Variants in TRAPPC14 observed in about 807,000 individuals in gnomAD.
TRAPPC14 encodes trafficking protein particle complex subunit 14, also known as microtubule associated protein 11.
A neutral mutation model predicts 56.6 loss-of-function variants in TRAPPC14; 24 were observed. The observed-to-expected ratio is 0.42, with a 90% CI of 0.31 to 0.60. The LOEUF (loss-of-function observed/expected upper bound fraction) is 0.60, where lower values mean the gene tolerates loss of function less well. TRAPPC14 is among the 20% of genes least tolerant of loss of function. The pLI, the probability that TRAPPC14 is intolerant of heterozygous loss-of-function variation, is 0.14. For synonymous variants in TRAPPC14, 377 were observed against 347.0 expected (o/e 1.09, Z -0.96); for missense variants, 615 against 790.3 (o/e 0.78, Z 2.66).
rs1175438008 is a variant in TRAPPC14 at position 100,158,210 on chromosome 7, GCGC to G, written c.287_289del (p.Gly96del). On this transcript the variant is annotated inframe_deletion, in exon 1 of 11. Coordinates refer to ENST00000316937, the MANE Select transcript of TRAPPC14 (RefSeq NM_018275.5). Reference sequence around the variant, plus strand: ...TGGGGGCTCCGAATCCTGGTCGCCGGCGCCGCCGCCCCCCGGCATCCCGCCTCC... The same window carrying G: ...TGGGGGCTCCGAATCCTGGTCGCCGGCGCCGCCCCCCGGCATCCCGCCTCC... 18 of 1,461,282 alleles carry G rather than the reference GCGC, an allele frequency of 1.2e-5. 1 individual carries two copies. In the South Asian group the frequency reaches 2.1e-4, roughly 17 times the overall value. The allele number at this position is 1,461,282 out of a possible 1,614,324, so 90.5% of individuals were successfully genotyped here. A position where few individuals can be genotyped will look rare whatever the true frequency, so the allele number is the denominator to read the frequency against.
rs1476396753 is a variant in TRAPPC14, at chr7:100,154,831, C to T, written c.*180G>A. 1.7e-5 allele frequency: 11 copies of T among 644,874 alleles called. No individual in the cohort carries two copies. The highest frequency in any genetic ancestry group is 5.4e-5 in the Admixed American group (2 of 37,000). 39.9% of individuals were successfully genotyped at this position (644,874 alleles called of 1,614,324 possible). On this transcript the variant is annotated 3_prime_UTR_variant, in exon 11 of 11. Coordinates refer to ENST00000316937, the MANE Select transcript of TRAPPC14 (RefSeq NM_018275.5). ...TACTGGTGGCTTAGTCCCAGCCATG[C>T]CCGCCCACTTCACAGCTTCTTCCCC...
chr7:100,158,128 G>C lies in TRAPPC14; in HGVS notation c.372C>G (p.Thr124=), dbSNP rs768618479. The C allele has an allele frequency of 6.7e-7, 1 of 1,495,876 alleles. No homozygotes were observed. The highest frequency in any genetic ancestry group is 8.9e-7 in the Non-Finnish European group (1 of 1,127,962). 92.7% of individuals were successfully genotyped at this position (1,495,876 alleles called of 1,614,324 possible). The change falls in exon 1 of 11, where the codon ACC becomes ACG. Residue 124 remains threonine, a synonymous_variant. Coordinates refer to ENST00000316937, the MANE Select transcript of TRAPPC14 (RefSeq NM_018275.5). ...CTGAGGTAGCAGGGCCCGGGCCGTG[G>C]GTGAGAAGGGGGCTGCAGCCTCGGA... is the stretch of plus-strand genomic sequence containing the variant. ...GLFRGCSPLL[T]HGPGPATSGG...
In TRAPPC14 at chr7:100,158,170, A is replaced by C. The variant is rs1434043114; in HGVS notation, c.330T>G (p.Pro110=). Residue 110 remains proline, a synonymous_variant, in exon 1 of 11, where the codon CCT becomes CCG. Coordinates refer to ENST00000316937, the MANE Select transcript of TRAPPC14 (RefSeq NM_018275.5). ...AGCCTCGGAACAAACCCCCACCCCC[A>C]GGATCCCCTCCCCCTGGGGGCTCCG... The part of the protein sequence containing the change: ...QDSEPPGGGD[P]GGGGLFRGCS... 6.9e-7 allele frequency: 1 copy of C among 1,447,530 alleles called. No homozygotes were observed. Among genetic ancestry groups the C allele is most frequent in the Non-Finnish European group, 9.0e-7 (1 of 1,108,676 alleles). 89.7% of individuals were successfully genotyped at this position (1,447,530 alleles called of 1,614,324 possible).
In TRAPPC14 at chr7:100,155,338, C is replaced by G; in HGVS notation, c.1513G>C (p.Val505Leu). The change falls in exon 10 of 11, where the codon GTG (valine) becomes CTG (leucine). Residue 505 changes from valine to leucine, a missense_variant. Val to Leu is a conservative substitution (Grantham distance 32). Transcript: ENST00000316937. ...SPSSPAVRDL[V>L]ERHQASLGRS... ...CCCAGGCTAGCCTGATGCCTCTCCA[C>G]CAAGTCCCGGACAGCAGGGCTGCTG... The G allele has an allele frequency of 6.4e-7, 1 of 1,551,848 alleles. No individual in the cohort carries two copies. The highest frequency in any genetic ancestry group is 1.2e-5 in the South Asian group (1 of 84,380).
At chr7:100,155,941 C>T (rs764766334) in intron 8 of TRAPPC14, 116 bp from the exon 9 acceptor site, 41 of 1,338,214 alleles carry the variant, frequency 3.1e-5, no homozygotes, top group Non-Finnish European at 3.8e-5. Flanking sequence ...ACTGAGCAAA[C>T]GTTATCTTTT....
Position 100,158,479 on chromosome 7 carries a change from G to T in TRAPPC14, c.21C>A (p.Tyr7Ter). 1 of 1,362,310 alleles carries T rather than the reference G, an allele frequency of 7.3e-7. No individual in the cohort carries two copies. The allele number at this position is 1,362,310 out of a possible 1,614,324, so 84.4% of individuals were successfully genotyped here. A position where few individuals can be genotyped will look rare whatever the true frequency, so the allele number is the denominator to read the frequency against. ...GCGGCACGGCCGGGAAGTACATCGA[G>T]TAGTCGCACTGGGACTCCATGGGGC... MESQCD[Y>*]SMYFPAVPLP... Residue 7 changes from tyrosine to a stop codon, truncating the protein, a stop_gained, in exon 1 of 11, where the codon TAC becomes TAA. Coordinates refer to ENST00000316937, the MANE Select transcript of TRAPPC14 (RefSeq NM_018275.5). LOFTEE classifies it high-confidence loss of function.
Position 100,157,722 on chromosome 7 carries a change from T to G in TRAPPC14, c.548A>C (p.Glu183Ala), listed in dbSNP as rs1798913284. ...TVWKREIEAP[E>A]VRDQGYLRLL... Reference sequence around the variant, plus strand: ...TCGCAGGTAGCCTTGATCTCTGACCTCTGGTGCCTCAATCTCCCGCTTCCA... The same window carrying G: ...TCGCAGGTAGCCTTGATCTCTGACCGCTGGTGCCTCAATCTCCCGCTTCCA... The change falls in exon 3 of 11, where the codon GAG (glutamate) becomes GCG (alanine). Residue 183 changes from glutamate to alanine, a missense_variant. Coordinates refer to ENST00000316937, the MANE Select transcript of TRAPPC14 (RefSeq NM_018275.5). 1.9e-6 allele frequency: 3 copies of G among 1,614,182 alleles called. No individual in the cohort carries two copies. In the African/African-American group the frequency reaches 4.0e-5, roughly 22 times the overall value.
Position 100,155,246 on chromosome 7 carries a change from C to A in TRAPPC14, c.1589+16G>T. The A allele has an allele frequency of 6.3e-7, 1 of 1,580,990 alleles. No homozygotes were observed. The highest frequency in any genetic ancestry group is 8.6e-7 in the Non-Finnish European group (1 of 1,164,246). ...ATCCTCTACCCGGTCCCATGCCACG[C>A]CCCCTGGTTCTGTACCTCATGAGGT... On this transcript the variant is annotated intron_variant, in intron 10 of 10. Coordinates refer to ENST00000316937, the MANE Select transcript of TRAPPC14 (RefSeq NM_018275.5).
At position 100,158,332 on chromosome 7, in the gene TRAPPC14, C is replaced by T. The variant is rs1379440414; in HGVS notation, c.168G>A (p.Ala56=). Residue 56 remains alanine, a synonymous_variant, in exon 1 of 11, where the codon GCG becomes GCA. Transcript: ENST00000316937. The part of the protein sequence containing the change: ...FLLVLRCRGG[A]GSGTGGGPGL... ...CCGGGCCGCCCCCGGTGCCGGACCC[C>T]GCACCGCCCCGGCAGCGCAACACCA... is the stretch of plus-strand genomic sequence containing the variant. 1.4e-5 allele frequency: 21 copies of T among 1,464,506 alleles called. No homozygotes were observed. The highest frequency in any genetic ancestry group is 1.8e-5 in the Non-Finnish European group (20 of 1,112,648). The allele number at this position is 1,464,506 out of a possible 1,614,324, so 90.7% of individuals were successfully genotyped here.
At chr7:100,156,582 T>C in intron 7 of TRAPPC14, 33 bp from the exon 8 acceptor site, 1 of 1,612,950 alleles carries the variant, frequency 6.2e-7, no homozygotes, top group Non-Finnish European at 8.5e-7. Context: ...GCTGGCTGTG[T>C]GTGTCAGGCC....
intron 1 of TRAPPC14, 33 bp downstream of exon 1, chr7:100,158,056 C>G (rs1396632015): frequency 3.5e-5 from 50 of 1,419,502 alleles, no homozygotes; most frequent in Non-Finnish European, 4.6e-5. Context: ...AACCGCCCCT[C>G]CGTCCTGTGC....
chr7:100,158,375 T>C lies in TRAPPC14; in HGVS notation c.125A>G (p.Glu42Gly). The part of the protein sequence containing the change: ...LPRRNHLYLG[E>G]TVRFLLVLRC... The stretch of plus-strand genomic sequence containing the variant: ...CAACACCAGCAGAAAACGGACAGTC[T>C]CCCCCAAGTACAGATGGTTGCGCCG... The change falls in exon 1 of 11, where the codon GAG becomes GGG. Residue 42 changes from glutamate to glycine, a missense_variant. Glu to Gly is a moderately conservative substitution (Grantham distance 98, BLOSUM62 -2). Transcript: ENST00000316937. The C allele has an allele frequency of 6.7e-7, 1 of 1,491,112 alleles. No individual in the cohort carries two copies. Among genetic ancestry groups the C allele is most frequent in the African/African-American group, 1.5e-5 (1 of 68,314 alleles). 92.4% of individuals were successfully genotyped at this position (1,491,112 alleles called of 1,614,324 possible).
At chr7:100,155,862 G>A (rs368831084) in intron 8 of TRAPPC14, 37 bp from the exon 9 acceptor site, 45 of 1,613,748 alleles carry the variant, frequency 2.8e-5, no homozygotes, top group Admixed American at 8.3e-5. Context: ...ACACTACAGC[G>A]TTCCTCATTC....
At position 100,157,358 on chromosome 7, in the gene TRAPPC14, G is replaced by A. The variant is rs767409174; in HGVS notation, c.724+15C>T. On this transcript the variant is annotated intron_variant, in intron 4 of 10. Coordinates refer to ENST00000316937, the MANE Select transcript of TRAPPC14 (RefSeq NM_018275.5). ...CTTGTTGCTCCCGGAGGCTGGAGCC[G>A]GCAGCCCTGCTTACCCTTGAGCACG... 3.1e-6 allele frequency: 5 copies of A among 1,613,548 alleles called. No individual in the cohort carries two copies. Among genetic ancestry groups the A allele is most frequent in the Admixed American group, 3.3e-5 (2 of 59,988 alleles).
Position 100,157,082 on chromosome 7 carries a change from C to T in TRAPPC14, c.845+12G>A. 1 of 1,614,162 alleles carries T rather than the reference C, an allele frequency of 6.2e-7. No homozygotes were observed. Among genetic ancestry groups the T allele is most frequent in the Non-Finnish European group, 8.5e-7 (1 of 1,180,006 alleles). On this transcript the variant is annotated intron_variant, in intron 5 of 10. Transcript: ENST00000316937. The stretch of plus-strand genomic sequence containing the variant: ...CCACCACTTCACAGCCTCGCCCCTC[C>T]CAGGACCTCACCAGACATTGTCCAC...
In TRAPPC14 at chr7:100,155,095, G is replaced by A; in HGVS notation, c.1659C>T (p.Tyr553=). The A allele has an allele frequency of 6.2e-7, 1 of 1,613,924 alleles. No individual in the cohort carries two copies. Among genetic ancestry groups the A allele is most frequent in the Non-Finnish European group, 8.5e-7 (1 of 1,179,820 alleles). ...PVASPVGRPL[Y]LPPDKAVLSL... is the part of the protein sequence containing the mutation. The stretch of plus-strand genomic sequence containing the variant: ...ACAACACAGCCTTGTCCGGGGGCAG[G>A]TAGAGGGGGCGGCCAACAGGAGAGG... The change falls in exon 11 of 11, where the codon TAC becomes TAT. Residue 553 remains tyrosine (Y), a synonymous_variant. Coordinates refer to ENST00000316937, the MANE Select transcript of TRAPPC14 (RefSeq NM_018275.5).
chr7:100,156,414 G>T lies in TRAPPC14; in HGVS notation c.1212C>A (p.Leu404=), dbSNP rs750667016. 2 of 1,614,032 alleles carry T rather than the reference G, an allele frequency of 1.2e-6. No individual in the cohort carries two copies. Among genetic ancestry groups the T allele is most frequent in the Non-Finnish European group, 8.5e-7 (1 of 1,180,026 alleles). ...NNLQDFLAVR[L]VWTPEHAQAG... ...CCTGTGCATGCTCTGGGGTCCACAC[G>T]AGCCTCACAGCAAGGAAGTCTTGGA... The change falls in exon 8 of 11, where the codon CTC becomes CTA. Residue 404 remains leucine (L), a synonymous_variant. Coordinates refer to ENST00000316937, the MANE Select transcript of TRAPPC14 (RefSeq NM_018275.5).
In TRAPPC14 at chr7:100,156,897, T is replaced by C. The variant is rs919447962; in HGVS notation, c.941A>G (p.Asn314Ser). The C allele has an allele frequency of 1.2e-6, 2 of 1,614,002 alleles. No individual in the cohort carries two copies. The highest frequency in any genetic ancestry group is 1.3e-5 in the African/African-American group (1 of 75,030). Residue 314 changes from asparagine (N) to serine (S), a missense_variant, in exon 6 of 11, where the codon AAC becomes AGC. Transcript: ENST00000316937. ...PCPLNALEEH[N>S]FLFQLRGGEQ... ...ACCCCCTCTCAGCTGAAACAGGAAG[T>C]TGTGTTCCTCCAGGGCATTCAGCGG...
intron 8 of TRAPPC14, 38 bp downstream of exon 8, chr7:100,156,348 T>C (rs765804177): frequency 8.1e-6 from 13 of 1,607,998 alleles, no homozygotes; most frequent in African/African-American, 1.3e-5. Context: ...TCTCTTCCCC[T>C]CCCTGGGGAC....
Sources: gnomAD v4.1 joint callset for allele counts on GRCh38, gnomAD v4.1.1 for gene constraint, MANE v1.5 for transcripts, NCBI Gene and HGNC (gene_info 2026-07-23, HGNC 2026-07-21) for gene names.